RANBP2: variants seen among roughly 807,000 people sequenced by gnomAD.
RANBP2 encodes RAN binding protein 2.
RANBP2 carries 57 observed loss-of-function variants against 303.6 expected under a neutral mutation model. The observed-to-expected ratio is 0.19, with a 90% confidence interval of 0.15 to 0.23. The LOEUF (loss-of-function observed/expected upper bound fraction) is 0.23, where lower values mean the gene tolerates loss of function less well. Among genes scored for constraint, RANBP2 ranks in the 10% least tolerant of loss-of-function variants. RANBP2 has a pLI of 1.00. For synonymous variants in RANBP2, 1,167 were observed against 1,301.5 expected, an observed-to-expected ratio of 0.90 and a Z score of 2.23; for missense variants, 3,138 against 3,780.8, an observed-to-expected ratio of 0.83 and a Z score of 4.46.
chr2:109,477,684 T>C, the RANBP2 span, among the ~76,000 whole-genome samples: 1 of 151,824 alleles, frequency 6.6e-6, no homozygotes, highest in South Asian at 2.1e-4. Context: ...TCCCACAGTT[T>C]TGCGGGCTGG....
chr2:109,665,262 C>T, the RANBP2 span: 3 of 152,614 alleles, frequency 2.0e-5, no homozygotes, highest in South Asian at 1.9e-4. Flanking sequence ...GGAAATGGTC[C>T]GATAGCAACT....
chr2:109,275,662 G>T, the RANBP2 span, among the ~76,000 whole-genome samples: 37 of 152,272 alleles, frequency 2.4e-4, 1 homozygote, highest in East Asian at 7.0e-3. Flanking sequence ...ATTAGCTGAG[G>T]TTGTCTGGAT....
the RANBP2 span, among the ~76,000 whole-genome samples, chr2:108,927,971 C>G: frequency 2.0e-5 from 3 of 152,080 alleles, no homozygotes; most frequent in African/African-American, 4.8e-5. Context: ...CTCTCAGATT[C>G]TTCCTCTCCT....
At chr2:109,522,263 AG>A in the RANBP2 span, among the ~76,000 whole-genome samples, 1 of 150,804 alleles carries the variant, frequency 6.6e-6, no homozygotes, top group Non-Finnish European at 1.5e-5. Context: ...CCCACCCCAA[AG>A]GTTCTCTTTT....
chr2:109,203,950 G>T, the RANBP2 span, among the ~76,000 whole-genome samples: 1 of 152,226 alleles, frequency 6.6e-6, no homozygotes, highest in African/African-American at 2.4e-5. Flanking sequence ...TCCCAGCAGA[G>T]CATCTGCACG....
At chr2:109,415,728 C>T in the RANBP2 span, among the ~76,000 whole-genome samples, 1 of 152,174 alleles carries the variant, frequency 6.6e-6, no homozygotes, top group Non-Finnish European at 1.5e-5. Context: ...CCCTTTGCCT[C>T]CAAACCGTCA....
the RANBP2 span, among the ~76,000 whole-genome samples, chr2:109,190,805 A>G: frequency 6.6e-6 from 1 of 152,014 alleles, no homozygotes; most frequent in Non-Finnish European, 1.5e-5. Flanking sequence ...CCCAGGCTCA[A>G]ATTAATCATT....
the RANBP2 span, among the ~76,000 whole-genome samples, chr2:109,019,684 G>A: frequency 6.6e-6 from 1 of 152,314 alleles, no homozygotes; most frequent in Non-Finnish European, 1.5e-5. Context: ...TTGCCAATAT[G>A]TAATTCCTAC....
the RANBP2 span, among the ~76,000 whole-genome samples, chr2:109,195,129 A>AT: frequency 6.6e-6 from 1 of 152,208 alleles, no homozygotes; most frequent in Non-Finnish European, 1.5e-5. Context: ...TGGCAGATGG[A>AT]TAAAAACTAA....
At chr2:108,792,916 T>G in the RANBP2 span, among the ~76,000 whole-genome samples, 3 of 135,164 alleles carry the variant, frequency 2.2e-5, no homozygotes, top group Non-Finnish European at 3.2e-5. Flanking sequence ...TACAAAAAAT[T>G]AGCCAGGCAT....
chr2:109,607,598 G>T, the RANBP2 span, among the ~76,000 whole-genome samples: 1 of 151,736 alleles, frequency 6.6e-6, no homozygotes, highest in Non-Finnish European at 1.5e-5. Flanking sequence ...TAATTACCTG[G>T]GCTAATTTAA....
the RANBP2 span, among the ~76,000 whole-genome samples, chr2:109,190,434 A>T: frequency 1.3e-4 from 20 of 152,198 alleles, no homozygotes; most frequent in Non-Finnish European, 2.4e-4. Flanking sequence ...TCGGCCACCC[A>T]AAGTGCTGGG....
At chr2:109,030,671 T>A in the RANBP2 span, among the ~76,000 whole-genome samples, 8 of 152,186 alleles carry the variant, frequency 5.3e-5, no homozygotes, top group African/African-American at 1.4e-4. Flanking sequence ...TTGGGGCCCC[T>A]CAGGCATCTG....
At chr2:108,800,352 C>T in the RANBP2 span, among the ~76,000 whole-genome samples, 1 of 152,142 alleles carries the variant, frequency 6.6e-6, no homozygotes, top group Non-Finnish European at 1.5e-5. Context: ...ACAACCTCCA[C>T]TTCCTGGGTT....
chr2:109,612,066 A>G, the RANBP2 span, among the ~76,000 whole-genome samples: 1 of 152,216 alleles, frequency 6.6e-6, no homozygotes, highest in Non-Finnish European at 1.5e-5. Context: ...CCAATAGCCA[A>G]CAACTGAAAA....
At chr2:109,271,984 G>A in the RANBP2 span, among the ~76,000 whole-genome samples, 1 of 152,176 alleles carries the variant, frequency 6.6e-6, no homozygotes, top group Admixed American at 6.5e-5. Context: ...TCAGAATGGG[G>A]TCTTTGGGTA....
At chr2:109,616,527 G>A in the RANBP2 span, 2 of 167,214 alleles carry the variant, frequency 1.2e-5, no homozygotes, top group Non-Finnish European at 2.9e-5. Flanking sequence ...AAAACGACAG[G>A]CTGCCCCGTT....
At chr2:109,615,872 G>A in the RANBP2 span, 8 of 1,613,876 alleles carry the variant, frequency 5.0e-6, no homozygotes, top group Non-Finnish European at 6.8e-6. Context: ...GCAAAGCCTC[G>A]GGCAGCTCTA....
At chr2:109,490,803 CA>C in the RANBP2 span, 2 of 1,537,014 alleles carry the variant, frequency 1.3e-6, no homozygotes, top group Non-Finnish European at 1.7e-6. Flanking sequence ...GAGCGAGATG[CA>C]GGGTGCCATG....
Sources: gnomAD v4.1 joint callset for allele counts (sites outside exome capture counted in the v4.1 genomes callset) on GRCh38, gnomAD v4.1.1 for gene constraint, MANE v1.5 for transcripts, NCBI Gene and HGNC (gene_info 2026-07-23, HGNC 2026-07-21) for gene names.